The following NFIB variants were observed in gnomAD, a reference collection of about 807,000 sequenced individuals.
NFIB encodes the protein nuclear factor I B.
In NFIB, 11 loss-of-function variants were observed where a neutral mutation model predicts 61.5. The observed-to-expected ratio is 0.18, with a 90% CI of 0.11 to 0.30. The LOEUF (loss-of-function observed/expected upper bound fraction) is 0.30. Among genes scored for constraint, NFIB ranks in the 10% least tolerant of loss-of-function variants. The pLI is 1.00. For missense variants in NFIB, 471 were observed against 608.9 expected (o/e 0.77, Z 2.38); for synonymous variants, 260 against 216.5 (o/e 1.20, Z -1.76).
At chr9:14,497,983 G>C in the NFIB span, among the ~76,000 whole-genome samples, 1 of 152,206 alleles carries the variant, frequency 6.6e-6, no homozygotes, top group Non-Finnish European at 1.5e-5. Context: ...ATCTAAACTT[G>C]CCTGAAGCTG....
At chr9:14,301,546 G>C (rs890245843) in intron 2 of NFIB, among the ~76,000 whole-genome samples, 3 of 152,098 alleles carry the variant, frequency 2.0e-5, no homozygotes, top group African/African-American at 4.8e-5. Context: ...CATAATTGAT[G>C]TAACAAATAA....
chr9:14,193,455 T>C (rs2048163928), intron 2 of NFIB, among the ~76,000 whole-genome samples: 1 of 152,192 alleles, frequency 6.6e-6, no homozygotes, highest in Non-Finnish European at 1.5e-5. Flanking sequence ...AAAGGTTTTC[T>C]TAAATATGCA....
rs150265961 is a variant in NFIB at position 14,105,751 on chromosome 9, C to G, written c.1467+7248G>C. ...CCTGACCAAGCAAATTGTGAACAGA[C>G]TCTATATATTAAAAGGTTAATACTA... On this transcript the variant is annotated intron_variant, in intron 10 of 10. Transcript: ENST00000380953. Among the ~76,000 whole-genome samples, 328 of 152,250 alleles carry G rather than the reference C, an allele frequency of 2.2e-3. 3 individuals are homozygous for G. Among genetic ancestry groups the G allele is most frequent in the African/African-American group, 7.5e-3 (312 of 41,550 alleles).
In NFIB at chr9:14,171,877, T is replaced by A. The variant is rs559729671; in HGVS notation, c.616+7850A>T. ...AAGGTAAACATCTAGGAGAAAAGGT[T>A]AATATACTTTAAAAATCGCAAGGTA... On this transcript the variant is annotated intron_variant, in intron 3 of 10. Coordinates refer to ENST00000380953, the MANE Select transcript of NFIB (RefSeq NM_001190737.2). Among the ~76,000 whole-genome samples the A allele has an allele frequency of 2.0e-4, 31 of 152,216 alleles. 1 individual carries two copies. In the South Asian group the frequency reaches 5.6e-3, roughly 28 times the overall value.
Position 14,224,813 on chromosome 9 carries a change from A to G in NFIB, c.563-45033T>C, listed in dbSNP as rs1459439234. Among the ~76,000 whole-genome samples the G allele has an allele frequency of 3.3e-5, 5 of 152,152 alleles. No individual in the cohort carries two copies. In the East Asian group the frequency reaches 7.7e-4, roughly 23 times the overall value. The stretch of plus-strand genomic sequence containing the variant: ...GAACGACTGTATTTTCCATTGTCGT[A>G]TTTTCTTTACCTTTAAAATAGGAAT... On this transcript the variant is annotated intron_variant, in intron 2 of 10. Coordinates refer to ENST00000380953, the MANE Select transcript of NFIB (RefSeq NM_001190737.2).
intron 3 of NFIB, among the ~76,000 whole-genome samples, chr9:14,170,710 T>C (rs564795791): frequency 6.6e-6 from 1 of 152,270 alleles, no homozygotes; most frequent in South Asian, 2.1e-4. Flanking sequence ...GAACAGCAGG[T>C]ACCATCACAA....
chr9:14,339,132 G>A (rs1209432127), intron 1 of NFIB, among the ~76,000 whole-genome samples: 4 of 152,156 alleles, frequency 2.6e-5, no homozygotes, highest in African/African-American at 9.7e-5. Context: ...CAGATCTGTA[G>A]CAAGTATCCT....
At chr9:14,287,013 C>T (rs2058748570) in intron 2 of NFIB, among the ~76,000 whole-genome samples, 1 of 152,202 alleles carries the variant, frequency 6.6e-6, no homozygotes, top group Admixed American at 6.5e-5. Context: ...TAAGAACTTT[C>T]ATTCACTTTT....
At chr9:14,361,563 T>C (rs748394751) in intron 1 of NFIB, 5 of 152,236 alleles carry the variant, frequency 3.3e-5, no homozygotes, top group Non-Finnish European at 5.9e-5. Context: ...ATGATTTCAC[T>C]AATGACATAT....
chr9:14,236,045 A>G (rs771457414), intron 2 of NFIB, among the ~76,000 whole-genome samples: 36 of 152,210 alleles, frequency 2.4e-4, no homozygotes, highest in Non-Finnish European at 2.5e-4. Flanking sequence ...TATTTTTTAA[A>G]GACATATTTA....
intron 2 of NFIB, among the ~76,000 whole-genome samples, chr9:14,305,236 C>G (rs531635974): frequency 6.6e-6 from 1 of 152,112 alleles, no homozygotes. Context: ...TGCATGCAGG[C>G]AGGCACACCT....
At chr9:14,286,656 T>C (rs1436723923) in intron 2 of NFIB, among the ~76,000 whole-genome samples, 1 of 152,194 alleles carries the variant, frequency 6.6e-6, no homozygotes, top group Non-Finnish European at 1.5e-5. Flanking sequence ...AAAAATTGGG[T>C]AATTCTTCTT....
intron 1 of NFIB, among the ~76,000 whole-genome samples, chr9:14,349,653 T>C (rs2061081252): frequency 6.6e-6 from 1 of 152,108 alleles, no homozygotes; most frequent in African/African-American, 2.4e-5. Context: ...AGCACCCAGC[T>C]GAAAACGAAA....
At chr9:14,189,932 CTAATTTT>C (rs2047765760) in intron 2 of NFIB, among the ~76,000 whole-genome samples, 1 of 151,968 alleles carries the variant, frequency 6.6e-6, no homozygotes, top group Non-Finnish European at 1.5e-5. Context: ...TACACATATT[CTAATTTT>C]TAAGTTTCTA....
chr9:14,394,659 G>A lies in NFIB; in HGVS notation c.108+3865C>T, dbSNP rs371187767. Among the ~76,000 whole-genome samples, 9 of 152,124 alleles carry A rather than the reference G, an allele frequency of 5.9e-5. No homozygotes were observed. In the South Asian group the frequency reaches 6.2e-4, roughly 11 times the overall value. ...CAGTTCAAGGTGAGATTTGGGTGGG[G>A]ACACAACCAAATCATGTCACCAATC... is the stretch of plus-strand genomic sequence containing the variant. On this transcript the variant is annotated intron_variant, in intron 1 of 8. Coordinates refer to the NFIB transcript ENST00000380934.
At chr9:14,482,867 T>C in the NFIB span, among the ~76,000 whole-genome samples, 6 of 152,230 alleles carry the variant, frequency 3.9e-5, no homozygotes, top group African/African-American at 7.2e-5. Flanking sequence ...ACATAATTTG[T>C]ATTTGTAACT....
chr9:14,322,536 T>G (rs910432541), intron 1 of NFIB, among the ~76,000 whole-genome samples: 1 of 152,066 alleles, frequency 6.6e-6, no homozygotes, highest in South Asian at 2.1e-4. Flanking sequence ...GCGCTCCTCC[T>G]GCAGTCGCCT....
intron 2 of NFIB, among the ~76,000 whole-genome samples, chr9:14,244,719 A>G (rs1235846108): frequency 6.6e-6 from 1 of 152,242 alleles, no homozygotes; most frequent in Non-Finnish European, 1.5e-5. Context: ...TAATAGGCTC[A>G]AAGTTTGAAA....
the NFIB span, among the ~76,000 whole-genome samples, chr9:14,490,063 C>A: frequency 6.6e-6 from 1 of 152,268 alleles, no homozygotes; most frequent in Admixed American, 6.5e-5. Context: ...AGAAATGGGT[C>A]ATTTGTAATT....
Sources: allele counts gnomAD v4.1 joint callset (sites outside exome capture counted in the v4.1 genomes callset), GRCh38; gene constraint gnomAD v4.1.1; transcripts MANE v1.5; gene names NCBI Gene and HGNC (gene_info 2026-07-23, HGNC 2026-07-21).